ZNF808: variants seen among roughly 807,000 people sequenced by gnomAD.
ZNF808 encodes zinc finger protein 808.
ZNF808 carries 5 observed loss-of-function variants against 8.7 expected under a neutral mutation model. That is an observed-to-expected ratio of 0.58 (90% CI 0.30 to 1.21). The LOEUF (loss-of-function observed/expected upper bound fraction) is 1.21, where lower values mean the gene tolerates loss of function less well. Among genes scored for constraint, ZNF808 ranks in the 50% most tolerant of loss-of-function variants. The pLI is 0.07. For missense variants in ZNF808, 1,103 were observed against 1,098.4 expected (o/e 1.00, Z -0.06); for synonymous variants, 380 against 366.0 (o/e 1.04, Z -0.44).
Position 52,553,960 on chromosome 19 carries a change from T to C in ZNF808, c.1044T>C (p.Cys348=), listed in dbSNP as rs368749700. 4.8e-5 allele frequency: 77 copies of C among 1,614,074 alleles called. No individual in the cohort carries two copies. Among genetic ancestry groups the C allele is most frequent in the Non-Finnish European group, 6.1e-5 (72 of 1,180,042 alleles). The change falls in exon 5 of 5, where the codon TGT becomes TGC. Residue 348 remains cysteine (C), a synonymous_variant. Transcript: ENST00000359798. ...AGAAACCTTACAAGTGTAATGAATG[T>C]GGCAAGGCTTTTAATCAACAATCAC... ...TGEKPYKCNE[C]GKAFNQQSHL...
At chr19:52,548,117 ATCT>A (rs1391969203) in intron 4 of ZNF808, among the ~76,000 whole-genome samples, 1 of 152,172 alleles carries the variant, frequency 6.6e-6, no homozygotes, top group Non-Finnish European at 1.5e-5. Context: ...ACTAATGATC[ATCT>A]TCTCTAAGCA....
In ZNF808 at chr19:52,554,397, G is replaced by A. The variant is rs149957912; in HGVS notation, c.1481G>A (p.Arg494His). 4,360 of 1,613,530 alleles carry A rather than the reference G, an allele frequency of 2.7e-3. 18 individuals are homozygous for A. The highest frequency in any genetic ancestry group is 7.6e-3 in the Middle Eastern group (46 of 6,060). The part of the protein sequence containing the change: ...KCNECRKTFS[R>H]RSSLLCHRRL... Reference sequence around the variant, plus strand: ...AATGAGTGTCGCAAGACCTTCAGCCGCAGGTCATCCCTTCTATGCCATCGT... The same window carrying A: ...AATGAGTGTCGCAAGACCTTCAGCCACAGGTCATCCCTTCTATGCCATCGT... Residue 494 changes from arginine to histidine, a missense_variant, in exon 5 of 5, where the codon CGC becomes CAC. Coordinates refer to ENST00000359798, the MANE Select transcript of ZNF808 (RefSeq NM_001039886.4).
chr19:52,551,818 C>T lies in ZNF808; in HGVS notation c.191-1289C>T, dbSNP rs141744613. On this transcript the variant is annotated intron_variant, in intron 4 of 4. Transcript: ENST00000359798. ...AGGAGTTTGAGACCAGCCTGGCCAA[C>T]ATGGTGAAACCACATCTCTACTAAA... Among the ~76,000 whole-genome samples the T allele has an allele frequency of 2.4e-4, 37 of 151,962 alleles. No individual in the cohort carries two copies. The East Asian group carries it at 6.4e-3, about 26-fold the overall frequency.
intron 2 of ZNF808, chr19:52,535,856 G>T (rs935750237): frequency 6.6e-6 from 1 of 152,308 alleles, no homozygotes; most frequent in African/African-American, 2.4e-5. Context: ...GCGAGGCGGA[G>T]GGATGCACAG....
chr19:52,534,376 A>G (rs1229992570), intron 2 of ZNF808, among the ~76,000 whole-genome samples: 3 of 152,190 alleles, frequency 2.0e-5, no homozygotes, highest in Admixed American at 6.5e-5. Flanking sequence ...TCTTGAAAAC[A>G]TGTCCTTAAT....
rs1005043251 is a variant in ZNF808 at position 52,553,753 on chromosome 19, A to G, written c.837A>G (p.Arg279=). Residue 279 remains arginine, a synonymous_variant, in exon 5 of 5, where the codon AGA becomes AGG. Transcript: ENST00000359798. ...AGCAATACCTTGCATGCCATCGTAG[A>G]TGTCACACTGGAGAGAAACCTTACA... The part of the protein sequence containing the change: ...NHKQYLACHR[R]CHTGEKPYKC... The G allele has an allele frequency of 5.0e-6, 8 of 1,614,072 alleles. No homozygotes were observed. Among genetic ancestry groups the G allele is most frequent in the African/African-American group, 1.3e-5 (1 of 74,948 alleles).
chr19:52,561,210 CTCTATA>C (rs1353507241), downstream of ZNF808, among the ~76,000 whole-genome samples: 429 of 29,348 alleles, frequency 0.015, 2 homozygotes, highest in Non-Finnish European at 0.016. Flanking sequence ...CTCTCTCTCT[CTCTATA>C]TATATATATA....
At chr19:52,552,564 C>T (rs1246917148) in intron 4 of ZNF808, among the ~76,000 whole-genome samples, 1 of 151,906 alleles carries the variant, frequency 6.6e-6, no homozygotes, top group African/African-American at 2.4e-5. Context: ...AGGCACGGAC[C>T]ATCACACCTG....
intron 1 of ZNF808, among the ~76,000 whole-genome samples, chr19:52,528,340 C>A (rs1355501020): frequency 6.6e-6 from 1 of 152,130 alleles, no homozygotes; most frequent in African/African-American, 2.4e-5. Flanking sequence ...GGGATGCAGG[C>A]GTCTTACTCC....
intron 2 of ZNF808, among the ~76,000 whole-genome samples, chr19:52,541,944 A>G (rs1326574712): frequency 6.6e-6 from 1 of 152,164 alleles, no homozygotes; most frequent in Non-Finnish European, 1.5e-5. Flanking sequence ...CTCAGATGAG[A>G]GTGACTGTGT....
chr19:52,530,664 C>CAAA (rs60540307), intron 1 of ZNF808, among the ~76,000 whole-genome samples: 4 of 148,420 alleles, frequency 2.7e-5, no homozygotes, highest in Non-Finnish European at 6.0e-5. Context: ...CTCCATCTGA[C>CAAA]AAAAAAAAAG....
intron 2 of ZNF808, among the ~76,000 whole-genome samples, chr19:52,541,101 G>A (rs1220155622): frequency 1.3e-5 from 2 of 151,914 alleles, no homozygotes; most frequent in Non-Finnish European, 2.9e-5. Context: ...ACAGGCCCCC[G>A]CCACCACGCC....
At chr19:52,537,020 C>A (rs2059619117) in intron 2 of ZNF808, among the ~76,000 whole-genome samples, 1 of 151,762 alleles carries the variant, frequency 6.6e-6, no homozygotes, top group African/African-American at 2.4e-5. Flanking sequence ...AACCCCATCC[C>A]TGCTAAAAAT....
intron 1 of ZNF808, among the ~76,000 whole-genome samples, chr19:52,528,248 CT>C (rs917666840): frequency 3.3e-5 from 5 of 152,186 alleles, no homozygotes; most frequent in African/African-American, 1.2e-4. Flanking sequence ...TGAACCCACA[CT>C]GGGAAGGACG....
At chr19:52,530,872 C>T (rs2059555704) in intron 1 of ZNF808, among the ~76,000 whole-genome samples, 1 of 152,112 alleles carries the variant, frequency 6.6e-6, no homozygotes, top group Non-Finnish European at 1.5e-5. Context: ...ACTCCGGAGG[C>T]TGAGGCAGGA....
chr19:52,552,306 C>T (rs748915542), intron 4 of ZNF808, among the ~76,000 whole-genome samples: 1 of 152,052 alleles, frequency 6.6e-6, no homozygotes, highest in African/African-American at 2.4e-5. Context: ...CATGAGCCAC[C>T]GCACCCGGCC....
At chr19:52,557,683 T>C (rs1247331279), downstream of ZNF808, among the ~76,000 whole-genome samples, 1 of 152,226 alleles carries the variant, frequency 6.6e-6, no homozygotes, top group Non-Finnish European at 1.5e-5. Flanking sequence ...TTATAAATGT[T>C]ACTGTGATTT....
At chr19:52,557,156 A>G (rs2059840701), downstream of ZNF808, among the ~76,000 whole-genome samples, 1 of 151,978 alleles carries the variant, frequency 6.6e-6, no homozygotes, top group South Asian at 2.1e-4. Context: ...TTTTTAGTAG[A>G]GACAGGGTTT....
rs75830912 is a variant in ZNF808 at position 52,554,672 on chromosome 19, C to T, written c.1756C>T (p.Arg586Cys). 2.1e-5 allele frequency: 34 copies of T among 1,613,942 alleles called. No individual in the cohort carries two copies. The highest frequency in any genetic ancestry group is 2.0e-4 in the Admixed American group (12 of 59,990). The change falls in exon 5 of 5, where the codon CGT becomes TGT. Residue 586 changes from arginine to cysteine, a missense_variant. Arg to Cys is a radical substitution (Grantham distance 180, BLOSUM62 -3). Coordinates refer to ENST00000359798, the MANE Select transcript of ZNF808 (RefSeq NM_001039886.4). Reference protein sequence around the residue: ...FNQQSHLSRHRRLHTGEKPYK... With the variant: ...FNQQSHLSRHCRLHTGEKPYK... ...TCAACAATCACATCTTTCACGTCATCGTAGACTTCATACTGGAGAGAAACC... is the reference window on the plus strand; with the variant it reads ...TCAACAATCACATCTTTCACGTCATTGTAGACTTCATACTGGAGAGAAACC...
Sources: gnomAD v4.1 joint callset for allele counts (sites outside exome capture counted in the v4.1 genomes callset) on GRCh38, gnomAD v4.1.1 for gene constraint, MANE v1.5 for transcripts, NCBI Gene and HGNC (gene_info 2026-07-23, HGNC 2026-07-21) for gene names.